Variants in LRP1B observed in about 807,000 individuals in gnomAD.
LRP1B encodes low-density lipoprotein receptor-related protein 1B.
Under a neutral mutation model 556.6 loss-of-function variants are expected in LRP1B, and 217 were observed. The observed-to-expected ratio is 0.39, with a 90% CI of 0.35 to 0.44. The LOEUF is 0.44. Among genes scored for constraint, LRP1B ranks in the 20% least tolerant of loss-of-function variants. LRP1B has a pLI of 1.00. For missense variants in LRP1B, 5,053 were observed against 5,620.8 expected, an observed-to-expected ratio of 0.90 and a Z score of 3.23; for synonymous variants, 2,047 against 1,865.8, an observed-to-expected ratio of 1.10 and a Z score of -2.50.
chr2:141,799,830 G>GTGTGTGTGTT (rs542042686), intron 2 of LRP1B, among the ~76,000 whole-genome samples: 9 of 151,800 alleles, frequency 5.9e-5, no homozygotes, highest in African/African-American at 2.2e-4. Flanking sequence ...GTGTGTGTGT[G>GTGTGTGTGTT]TATGACAGAG....
In LRP1B at chr2:141,204,543, G is replaced by T. The variant is rs117836592; in HGVS notation, c.851-15960C>A. Among the ~76,000 whole-genome samples, 45 of 152,296 alleles carry T rather than the reference G, an allele frequency of 3.0e-4. No homozygotes were observed. The East Asian group carries it at 7.9e-3, about 27-fold the overall frequency. ...GAGAGATTTACCCCATAGCACTTCA[G>T]ATGTGTATACCAAGAAAGAAATGTA... On this transcript the variant is annotated intron_variant, in intron 6 of 90. Coordinates refer to ENST00000389484, the MANE Select transcript of LRP1B (RefSeq NM_018557.3).
intron 3 of LRP1B, among the ~76,000 whole-genome samples, chr2:141,455,134 G>T (rs138966635): frequency 1.1e-4 from 17 of 151,962 alleles, no homozygotes; most frequent in Admixed American, 4.6e-4. Flanking sequence ...GGGAGAAAAT[G>T]CCTATGTGCT....
At chr2:141,425,948 G>T (rs997135745) in intron 3 of LRP1B, among the ~76,000 whole-genome samples, 4 of 149,194 alleles carry the variant, frequency 2.7e-5, no homozygotes, top group South Asian at 2.2e-4. Context: ...GTCAATTTTG[G>T]CTTTTGTTGC....
At chr2:142,127,367 A>AATCCATCCATCCATCC (rs71391674) in intron 1 of LRP1B, among the ~76,000 whole-genome samples, 265 of 150,132 alleles carry the variant, frequency 1.8e-3, no homozygotes, top group Middle Eastern at 3.4e-3. Context: ...TGTATGGCAG[A>AATCCATCCATCCATCC]ATCCATCCAT....
chr2:140,930,686 C>T (rs1322491476), intron 20 of LRP1B, among the ~76,000 whole-genome samples: 1 of 152,036 alleles, frequency 6.6e-6, no homozygotes, highest in Admixed American at 6.6e-5. Flanking sequence ...ACACCTTTAA[C>T]TTGTCATTCA....
At chr2:140,989,773 A>C in intron 16 of LRP1B, 116 bp from the exon 17 acceptor site, 1 of 940,404 alleles carries the variant, frequency 1.1e-6, no homozygotes, top group South Asian at 1.7e-5. Flanking sequence ...TAAATGTCAT[A>C]GAGTCTGTCA....
At chr2:140,583,073 A>G (rs905673758) in intron 43 of LRP1B, among the ~76,000 whole-genome samples, 4 of 151,906 alleles carry the variant, frequency 2.6e-5, no homozygotes, top group African/African-American at 9.7e-5. Context: ...CAGTAGCTAC[A>G]TCAGTGGTCA....
At chr2:141,293,385 G>A (rs1200874767) in intron 3 of LRP1B, among the ~76,000 whole-genome samples, 1 of 152,148 alleles carries the variant, frequency 6.6e-6, no homozygotes, top group African/African-American at 2.4e-5. Flanking sequence ...TATGCCATTT[G>A]CCCTCTCTCA....
chr2:140,512,795 C>T (rs768849462), intron 51 of LRP1B, among the ~76,000 whole-genome samples: 24 of 152,054 alleles, frequency 1.6e-4, no homozygotes, highest in Admixed American at 8.5e-4. Flanking sequence ...CTTCTGAGAA[C>T]GATCTTTTGT....
intron 41 of LRP1B, among the ~76,000 whole-genome samples, chr2:140,676,459 A>G (rs1685674853): frequency 6.6e-6 from 1 of 152,184 alleles, no homozygotes; most frequent in African/African-American, 2.4e-5. Context: ...AAATCACCCC[A>G]TTAATTATTG....
intron 35 of LRP1B, among the ~76,000 whole-genome samples, chr2:140,736,200 C>T (rs1386455464): frequency 2.0e-5 from 3 of 151,876 alleles, no homozygotes; most frequent in Non-Finnish European, 4.4e-5. Flanking sequence ...GAAAACCCAC[C>T]GAAGTATTAT....
intron 31 of LRP1B, among the ~76,000 whole-genome samples, chr2:140,836,120 T>G (rs1029154269): frequency 1.3e-5 from 2 of 152,194 alleles, no homozygotes; most frequent in Non-Finnish European, 2.9e-5. Context: ...TCTAAATTTT[T>G]TTAATATTAT....
chr2:140,295,590 G>A (rs1683566387), intron 84 of LRP1B, among the ~76,000 whole-genome samples: 1 of 152,160 alleles, frequency 6.6e-6, no homozygotes, highest in South Asian at 2.1e-4. Context: ...CCTGAGCCCT[G>A]AAGCTAAATT....
At chr2:141,977,679 C>T (rs1285007854) in intron 1 of LRP1B, among the ~76,000 whole-genome samples, 1 of 152,072 alleles carries the variant, frequency 6.6e-6, no homozygotes, top group Non-Finnish European at 1.5e-5. Flanking sequence ...AAACAATCAC[C>T]ATGAAATATC....
chr2:141,032,076 G>A (rs544603791), intron 11 of LRP1B, among the ~76,000 whole-genome samples: 3 of 152,112 alleles, frequency 2.0e-5, no homozygotes, highest in African/African-American at 4.8e-5. Context: ...GCCCTCCAGA[G>A]AAGTAATCAC....
chr2:141,013,996 A>G lies in LRP1B; in HGVS notation c.2191-251T>C, dbSNP rs184490976. ...TATTATTAAACCATCTATTTTATCA[A>G]TGTAAATTCTTTCATCTATGGCACG... On this transcript the variant is annotated intron_variant, in intron 13 of 90. Coordinates refer to ENST00000389484, the MANE Select transcript of LRP1B (RefSeq NM_018557.3). 7.2e-5 allele frequency among the ~76,000 whole-genome samples: 11 copies of G among 152,180 alleles called. 1 individual carries two copies. Among genetic ancestry groups the G allele is most frequent in the African/African-American group, 2.6e-4 (11 of 41,572 alleles).
In LRP1B at chr2:141,278,796, G is replaced by A. The variant is rs182023746; in HGVS notation, c.344-24155C>T. ...CTGGTCTTCTGTTTATCTTTTGGGG[G>A]TAAAATATCCAGGGAAGGCTGAGTT... On this transcript the variant is annotated intron_variant, in intron 3 of 90. Transcript: ENST00000389484. Among the ~76,000 whole-genome samples the A allele has an allele frequency of 4.6e-5, 7 of 152,180 alleles. No individual in the cohort carries two copies. The East Asian group carries it at 1.4e-3, about 29-fold the overall frequency.
At chr2:141,879,657 C>A (rs1356526586) in intron 1 of LRP1B, among the ~76,000 whole-genome samples, 8 of 35,708 alleles carry the variant, frequency 2.2e-4, no homozygotes, top group African/African-American at 8.0e-4. Flanking sequence ...AAGGCCATGA[C>A]TTCAGATACA....
intron 6 of LRP1B, among the ~76,000 whole-genome samples, chr2:141,212,328 G>C (rs1057461514): frequency 6.4e-5 from 8 of 124,124 alleles, no homozygotes; most frequent in Admixed American, 3.1e-4. Flanking sequence ...GCCCAGGCTG[G>C]AGTGCAGTGG....
Sources: allele counts gnomAD v4.1 joint callset (sites outside exome capture counted in the v4.1 genomes callset), GRCh38; gene constraint gnomAD v4.1.1; transcripts MANE v1.5; gene names NCBI Gene and HGNC (gene_info 2026-07-23, HGNC 2026-07-21).